The following NFIB variants were observed in gnomAD, a reference collection of about 807,000 sequenced individuals.
The protein encoded by NFIB is nuclear factor 1 B-type.
NFIB carries 11 observed loss-of-function variants against 61.5 expected under a neutral mutation model. That is an observed-to-expected ratio of 0.18 (90% CI 0.11 to 0.30). NFIB has a LOEUF of 0.30. Ranked by LOEUF, NFIB falls within the 10% of genes least tolerant of loss-of-function variation. The pLI is 1.00. For missense variants in NFIB, 471 were observed against 608.9 expected (o/e 0.77, Z 2.38); for synonymous variants, 260 against 216.5 (o/e 1.20, Z -1.76).
chr9:14,141,166 G>A (rs959842490), intron 6 of NFIB, among the ~76,000 whole-genome samples: 3 of 152,022 alleles, frequency 2.0e-5, no homozygotes, highest in Non-Finnish European at 4.4e-5. Flanking sequence ...TTACTAATGA[G>A]AATATTTTCA....
At chr9:14,289,150 A>ATATG (rs2058924917) in intron 2 of NFIB, among the ~76,000 whole-genome samples, 1 of 148,510 alleles carries the variant, frequency 6.7e-6, no homozygotes, top group Non-Finnish European at 1.5e-5. Context: ...ACATATATAT[A>ATATG]TATTTGGTAT....
chr9:14,407,502 C>T, the NFIB span, among the ~76,000 whole-genome samples: 7 of 152,034 alleles, frequency 4.6e-5, no homozygotes, highest in African/African-American at 1.2e-4. Context: ...CTGTTCAAAA[C>T]GGAGCTTAAC....
chr9:14,477,452 G>C, the NFIB span, among the ~76,000 whole-genome samples: 1 of 152,100 alleles, frequency 6.6e-6, no homozygotes, highest in Non-Finnish European at 1.5e-5. Context: ...TAATGAGATT[G>C]GCCTAAAAGG....
chr9:14,448,011 T>A, the NFIB span, among the ~76,000 whole-genome samples: 1 of 152,230 alleles, frequency 6.6e-6, no homozygotes, highest in Non-Finnish European at 1.5e-5. Context: ...TCTGGCTTTC[T>A]ATCAATGAAG....
At chr9:14,454,490 T>C in the NFIB span, among the ~76,000 whole-genome samples, 4 of 152,354 alleles carry the variant, frequency 2.6e-5, no homozygotes, top group South Asian at 2.1e-4. Context: ...TATTTCCTAG[T>C]GGTAGTGAAA....
the NFIB span, among the ~76,000 whole-genome samples, chr9:14,478,059 C>A: frequency 4.6e-5 from 7 of 152,104 alleles, no homozygotes; most frequent in Non-Finnish European, 1.0e-4. Context: ...GAAAGGCTCC[C>A]TATTCTCTGG....
intron 1 of NFIB, among the ~76,000 whole-genome samples, chr9:14,345,819 C>A (rs1183049937): frequency 2.0e-5 from 3 of 152,176 alleles, no homozygotes; most frequent in Non-Finnish European, 4.4e-5. Flanking sequence ...TATTTTTCTC[C>A]CCTCACACCC....
At chr9:14,503,153 A>T in the NFIB span, among the ~76,000 whole-genome samples, 12 of 149,714 alleles carry the variant, frequency 8.0e-5, no homozygotes, top group South Asian at 1.0e-3. Context: ...TATATAAAAT[A>T]ATATATATAT....
At chr9:14,528,238 T>C in the NFIB span, among the ~76,000 whole-genome samples, 1 of 152,212 alleles carries the variant, frequency 6.6e-6, no homozygotes, top group Non-Finnish European at 1.5e-5. Context: ...GAACAAAATT[T>C]GATTATTAAA....
At chr9:14,193,622 C>G (rs1481947422) in intron 2 of NFIB, among the ~76,000 whole-genome samples, 1 of 152,104 alleles carries the variant, frequency 6.6e-6, no homozygotes, top group Non-Finnish European at 1.5e-5. Context: ...TTTTTCCCAT[C>G]AGAATAGTAA....
the NFIB span, among the ~76,000 whole-genome samples, chr9:14,529,719 A>G: frequency 5.9e-5 from 9 of 152,218 alleles, no homozygotes; most frequent in Admixed American, 2.0e-4. Context: ...CCAAAATAAC[A>G]AAGTTTATTA....
intron 4 of NFIB, among the ~76,000 whole-genome samples, chr9:14,150,941 T>TAATTACATC (rs1246473701): frequency 3.3e-5 from 5 of 152,162 alleles, no homozygotes; most frequent in African/African-American, 1.2e-4. Flanking sequence ...ATATTTTGTA[T>TAATTACATC]AATTACATCT....
chr9:14,347,888 C>T (rs991113053), intron 1 of NFIB, among the ~76,000 whole-genome samples: 2 of 152,080 alleles, frequency 1.3e-5, no homozygotes, highest in South Asian at 2.1e-4. Context: ...AAGGGCCGAG[C>T]GCGCGCGCGC....
At chr9:14,502,492 A>G in the NFIB span, among the ~76,000 whole-genome samples, 1 of 152,164 alleles carries the variant, frequency 6.6e-6, no homozygotes, top group Non-Finnish European at 1.5e-5. Context: ...AGTGGTGCAA[A>G]ACCTTTTTTG....
intron 2 of NFIB, among the ~76,000 whole-genome samples, chr9:14,245,684 C>G (rs2054839979): frequency 6.6e-6 from 1 of 152,040 alleles, no homozygotes; most frequent in African/African-American, 2.4e-5. Flanking sequence ...ACCAACCTGG[C>G]CAACATGGCA....
Position 14,187,212 on chromosome 9 carries a change from A to G in NFIB, c.563-7432T>C, listed in dbSNP as rs547601736. 3.0e-4 allele frequency among the ~76,000 whole-genome samples: 46 copies of G among 152,056 alleles called. No homozygotes were observed. The South Asian group carries it at 8.7e-3, about 29-fold the overall frequency. On this transcript the variant is annotated intron_variant, in intron 2 of 10. Transcript: ENST00000380953. Reference sequence around the variant, plus strand: ...GTTCATGAAAAGTTTTAACTTTATCACTTTGTTAATGGAATCCCTGATCTT... The same window carrying G: ...GTTCATGAAAAGTTTTAACTTTATCGCTTTGTTAATGGAATCCCTGATCTT...
chr9:14,325,653 A>G (rs1055300519), intron 1 of NFIB, among the ~76,000 whole-genome samples: 1 of 151,966 alleles, frequency 6.6e-6, no homozygotes, highest in Non-Finnish European at 1.5e-5. Context: ...TTTAATTTCT[A>G]TGATTTTTAT....
At chr9:14,482,931 C>G in the NFIB span, among the ~76,000 whole-genome samples, 2 of 152,004 alleles carry the variant, frequency 1.3e-5, no homozygotes, top group Non-Finnish European at 2.9e-5. Context: ...AATTTGGATG[C>G]CTTCTGAAAG....
chr9:14,162,230 G>C (rs1359729315), intron 3 of NFIB, among the ~76,000 whole-genome samples: 2 of 150,916 alleles, frequency 1.3e-5, no homozygotes, highest in Non-Finnish European at 2.9e-5. Context: ...GAAAATGTTG[G>C]CTATGAATTT....
Sources: allele counts gnomAD v4.1 joint callset (sites outside exome capture counted in the v4.1 genomes callset), GRCh38; gene constraint gnomAD v4.1.1; transcripts MANE v1.5; gene names NCBI Gene and HGNC (gene_info 2026-07-23, HGNC 2026-07-21).